The following LMO7 variants were observed in gnomAD, a reference collection of about 807,000 sequenced individuals.
LMO7 encodes LIM domain 7.
In LMO7, 120 loss-of-function variants were observed where a neutral mutation model predicts 206.5. That is an observed-to-expected ratio of 0.58 (90% CI 0.50 to 0.68). The LOEUF is 0.68. Among genes scored for constraint, LMO7 ranks in the 30% least tolerant of loss-of-function variants. The probability of loss-of-function intolerance (pLI) is 0.00; values close to 1 mark genes in which losing one functional copy is unlikely to be tolerated. For synonymous variants in LMO7, 706 were observed against 681.5 expected (o/e 1.04, Z -0.56); for missense variants, 1,959 against 1,957.9 (o/e 1.00, Z -0.01).
At chr13:75,622,584 C>T (rs546822325) in intron 1 of LMO7, among the ~76,000 whole-genome samples, 1 of 152,264 alleles carries the variant, frequency 6.6e-6, no homozygotes, top group African/African-American at 2.4e-5. Context: ...AACTATAAGT[C>T]TAGAGCTCTT....
At chr13:75,757,998 T>C (rs2047828271) in intron 3 of LMO7, among the ~76,000 whole-genome samples, 1 of 152,084 alleles carries the variant, frequency 6.6e-6, no homozygotes, top group African/African-American at 2.4e-5. Context: ...CCTCTTCTTT[T>C]GCAGAGAAAA....
intron 1 of LMO7, among the ~76,000 whole-genome samples, chr13:75,709,403 C>T: frequency 6.6e-6 from 1 of 152,048 alleles, no homozygotes; most frequent in East Asian, 1.9e-4. Context: ...AACTAGTTTA[C>T]AGTCCCACCA....
intron 3 of LMO7, among the ~76,000 whole-genome samples, chr13:75,758,107 C>T (rs1387399065): frequency 6.6e-6 from 1 of 152,100 alleles, no homozygotes; most frequent in East Asian, 1.9e-4. Context: ...CAAAGCCACA[C>T]AGTTGTTTAG....
At chr13:75,853,764 T>C (rs2060685749) in intron 28 of LMO7, among the ~76,000 whole-genome samples, 1 of 152,220 alleles carries the variant, frequency 6.6e-6, no homozygotes, top group South Asian at 2.1e-4. Context: ...ATCAGTATTG[T>C]CAAATAGCTG....
At chr13:75,637,014 G>A (rs2035967475) in intron 1 of LMO7, among the ~76,000 whole-genome samples, 1 of 152,204 alleles carries the variant, frequency 6.6e-6, no homozygotes, top group Non-Finnish European at 1.5e-5. Flanking sequence ...GCGTCCCGGA[G>A]GAGCAGCGCA....
chr13:75,848,844 ATAGTGGTTGTAC>A, intron 26 of LMO7: 1 of 438,930 alleles, frequency 2.3e-6, no homozygotes, highest in Non-Finnish European at 4.1e-6. Context: ...ACTGATTTCC[ATAGTGGTTGTAC>A]TAGTTTACAT....
At chr13:75,728,860 CA>C (rs2044780637) in intron 3 of LMO7, among the ~76,000 whole-genome samples, 1 of 139,940 alleles carries the variant, frequency 7.1e-6, no homozygotes, top group Non-Finnish European at 1.5e-5. Flanking sequence ...CCAGTTTTCC[CA>C]GCACCATTTA....
At chr13:75,673,920 T>C (rs928402483) in intron 1 of LMO7, among the ~76,000 whole-genome samples, 1 of 152,216 alleles carries the variant, frequency 6.6e-6, no homozygotes, top group Non-Finnish European at 1.5e-5. Flanking sequence ...TTTGCTATTA[T>C]AGTTAGCTGT....
At chr13:75,733,703 C>T (rs1180798853) in intron 3 of LMO7, among the ~76,000 whole-genome samples, 2 of 152,212 alleles carry the variant, frequency 1.3e-5, no homozygotes, top group Non-Finnish European at 2.9e-5. Flanking sequence ...ATGCAGACAT[C>T]ACCCGTCTTC....
intron 4 of LMO7, among the ~76,000 whole-genome samples, chr13:75,791,045 C>T (rs561647965): frequency 3.3e-5 from 5 of 150,256 alleles, no homozygotes; most frequent in South Asian, 2.1e-4. Context: ...GGCATGATCT[C>T]GGCTCACTGC....
chr13:75,638,844 CT>C (rs527251728), intron 1 of LMO7, among the ~76,000 whole-genome samples: 3 of 152,036 alleles, frequency 2.0e-5, no homozygotes, highest in Non-Finnish European at 2.9e-5. Context: ...TTAAGAACCC[CT>C]AATCTGAAGA....
rs1178673486 is a variant in LMO7, at chr13:75,838,184, T to C, written c.3439T>C (p.Phe1147Leu). Residue 1147 changes from phenylalanine (F) to leucine (L), a missense_variant, in exon 20 of 31, where the codon TTT becomes CTT. Phe to Leu is a conservative substitution (Grantham distance 22). Coordinates refer to ENST00000377534, the MANE Select transcript of LMO7 (RefSeq NM_001306080.2). ...SLKNLKRRSQ[F>L]FEQGSSDSVV... ...GAAAAACTTAAAAAGGCGATCACAA[T>C]TTTTTGAACAAGGTAAACCACAAAG... 6.2e-7 allele frequency: 1 copy of C among 1,607,428 alleles called. No individual in the cohort carries two copies. The highest frequency in any genetic ancestry group is 1.3e-5 in the African/African-American group (1 of 74,754).
chr13:75,815,167 G>A (rs1003374988), intron 11 of LMO7, among the ~76,000 whole-genome samples: 4 of 152,152 alleles, frequency 2.6e-5, no homozygotes, highest in Non-Finnish European at 5.9e-5. Context: ...GATGTGATGT[G>A]ATTATTATAA....
chr13:75,840,552 C>T, intron 22 of LMO7, 57 bp downstream of exon 22: 5 of 1,584,738 alleles, frequency 3.2e-6, no homozygotes, highest in East Asian at 4.5e-5. Context: ...GGCTTTTCTC[C>T]AGTCTGTCAA....
chr13:75,808,948 G>A (rs2055926888), intron 10 of LMO7, among the ~76,000 whole-genome samples: 1 of 152,080 alleles, frequency 6.6e-6, no homozygotes, highest in Non-Finnish European at 1.5e-5. Flanking sequence ...AGTAAATTGA[G>A]GAAATTCTTC....
chr13:75,710,560 AT>A (rs2043015754), intron 1 of LMO7, among the ~76,000 whole-genome samples: 1 of 151,832 alleles, frequency 6.6e-6, no homozygotes, highest in Admixed American at 6.6e-5. Flanking sequence ...CTTTGAAGCA[AT>A]TGTGAATGGG....
rs1170363276 is a variant in LMO7, at chr13:75,823,559, A to C, written c.2641-6A>C. ...ATCAAGTTTAAAATGATGTTTTCTT[A>C]TTTAGATGGATGATGCTTGGAAGTA... On this transcript the variant is annotated splice_polypyrimidine_tract_variant and splice_region_variant and intron_variant, in intron 14 of 30. Transcript: ENST00000377534. 6.3e-7 allele frequency: 1 copy of C among 1,586,702 alleles called. No individual in the cohort carries two copies. Among genetic ancestry groups the C allele is most frequent in the Non-Finnish European group, 8.6e-7 (1 of 1,158,338 alleles).
intron 1 of LMO7, among the ~76,000 whole-genome samples, chr13:75,651,396 G>A (rs888189123): frequency 3.4e-5 from 5 of 146,142 alleles, no homozygotes; most frequent in South Asian, 2.3e-4. Context: ...TGTGACTTCC[G>A]CCTCCAGGAT....
chr13:75,653,569 C>T (rs975978000), intron 1 of LMO7, among the ~76,000 whole-genome samples: 3 of 152,132 alleles, frequency 2.0e-5, no homozygotes, highest in Admixed American at 6.6e-5. Context: ...GTGCTTTGTG[C>T]ATAATACTGG....
Sources: allele counts gnomAD v4.1 joint callset (sites outside exome capture counted in the v4.1 genomes callset), GRCh38; gene constraint gnomAD v4.1.1; transcripts MANE v1.5; gene names NCBI Gene and HGNC (gene_info 2026-07-23, HGNC 2026-07-21).